Variants in SDK1 observed in about 807,000 individuals in gnomAD.
The protein encoded by SDK1 is sidekick cell adhesion molecule 1, also known as protein sidekick-1.
Under a neutral mutation model 245.5 loss-of-function variants are expected in SDK1, and 157 were observed. That is an observed-to-expected ratio of 0.64 (90% confidence interval 0.56 to 0.73). The LOEUF (loss-of-function observed/expected upper bound fraction) is 0.73, where lower values mean the gene tolerates loss of function less well. Among genes scored for constraint, SDK1 ranks in the 30% least tolerant of loss-of-function variants. The probability of loss-of-function intolerance (pLI) is 0.00; values close to 1 mark genes in which losing one functional copy is unlikely to be tolerated. For synonymous variants in SDK1, 1,647 were observed against 1,278.5 expected (o/e 1.29, Z -6.15); for missense variants, 3,583 against 3,002.3 (o/e 1.19, Z -4.52).
chr7:3,453,333 G>A (rs1780576170), intron 1 of SDK1, among the ~76,000 whole-genome samples: 1 of 152,198 alleles, frequency 6.6e-6, no homozygotes, highest in Non-Finnish European at 1.5e-5. Context: ...GCCCTGGTGG[G>A]CCAAATAATG....
intron 5 of SDK1, among the ~76,000 whole-genome samples, chr7:3,863,812 C>A (rs1780754499): frequency 6.6e-6 from 1 of 152,158 alleles, no homozygotes. Flanking sequence ...CGGATGGACC[C>A]CATTGGTTTA....
chr7:3,451,882 G>C (rs1264802142), intron 1 of SDK1, among the ~76,000 whole-genome samples: 1 of 152,104 alleles, frequency 6.6e-6, no homozygotes, highest in Non-Finnish European at 1.5e-5. Flanking sequence ...GGTGGTGTTG[G>C]GCAATTGCAA....
chr7:4,051,505 A>G, intron 18 of SDK1, 133 bp from the exon 19 acceptor site: 1 of 728,164 alleles, frequency 1.4e-6, no homozygotes, highest in South Asian at 2.1e-5. Flanking sequence ...GCGTGATTAT[A>G]AAATGCAGGA....
intron 4 of SDK1, among the ~76,000 whole-genome samples, chr7:3,712,265 G>A (rs184928579): frequency 3.7e-4 from 57 of 152,186 alleles, no homozygotes; most frequent in South Asian, 2.7e-3. Flanking sequence ...TCATAGGACC[G>A]TGAACCTTAT....
At position 4,178,709 on chromosome 7, in the gene SDK1, G is replaced by A. The variant is rs1319029003; in HGVS notation, c.5098+123G>A. ...GTTCTTTCTCCTTGAACACATTGCT[G>A]TCGGGGCTGAGGTCTCCACGCCACT... is the stretch of plus-strand genomic sequence containing the variant. On this transcript the variant is annotated intron_variant, in intron 35 of 44. Transcript: ENST00000404826. 21 of 688,224 alleles carry A rather than the reference G, an allele frequency of 3.1e-5. No homozygotes were observed. In the East Asian group the frequency reaches 5.2e-4, roughly 17 times the overall value. The allele number at this position is 688,224 out of a possible 1,614,324, so 42.6% of individuals were successfully genotyped here. A position where few individuals can be genotyped will look rare whatever the true frequency, so the allele number is the denominator to read the frequency against.
chr7:3,539,629 A>T lies in SDK1; in HGVS notation c.299-79451A>T, dbSNP rs60368813. On this transcript the variant is annotated intron_variant, in intron 1 of 44. Coordinates refer to ENST00000404826, the MANE Select transcript of SDK1 (RefSeq NM_152744.4). ...TCTGTCTTTCAAAACCTTGCATCTG[A>T]CATAATTCGTGATGTGTAATAGGTG... 8.5e-3 allele frequency among the ~76,000 whole-genome samples: 1,290 copies of T among 152,276 alleles called. 24 individuals are homozygous for T. The highest frequency in any genetic ancestry group is 0.029 in the African/African-American group (1,212 of 41,538).
intron 14 of SDK1, among the ~76,000 whole-genome samples, chr7:3,990,610 C>G (rs925115305): frequency 2.0e-5 from 3 of 152,168 alleles, no homozygotes; most frequent in African/African-American, 7.2e-5. Context: ...TGGTTCGCAT[C>G]CACCCTAAGG....
chr7:3,904,569 C>A (rs761190145), intron 5 of SDK1, among the ~76,000 whole-genome samples: 10 of 152,108 alleles, frequency 6.6e-5, no homozygotes, highest in African/African-American at 1.7e-4. Context: ...GTGGTGCACA[C>A]TTGTAGTCAC....
chr7:3,499,042 A>G (rs1433655621), intron 1 of SDK1, among the ~76,000 whole-genome samples: 1 of 152,224 alleles, frequency 6.6e-6, no homozygotes, highest in African/African-American at 2.4e-5. Flanking sequence ...TGTGTTTTAA[A>G]ATCTGATGTT....
Position 3,969,326 on chromosome 7 carries a change from A to G in SDK1, c.1616A>G (p.Gln539Arg), listed in dbSNP as rs1459873122. 1 of 1,611,234 alleles carries G rather than the reference A, an allele frequency of 6.2e-7. No individual in the cohort carries two copies. The highest frequency in any genetic ancestry group is 1.3e-5 in the African/African-American group (1 of 74,860). ...RFMLLESGGL[Q>R]IAPVFIQDAG... ...ATGCTTCTTGAATCGGGGGGTCTAC[A>G]GATCGCGCCCGTCTTCATCCAGGAT... The change falls in exon 11 of 45, where the codon CAG becomes CGG. Residue 539 changes from glutamine to arginine, a missense_variant. Gln to Arg is a conservative substitution (Grantham distance 43). Transcript: ENST00000404826.
rs188984808 is a variant in SDK1 at position 3,717,151 on chromosome 7, C to G, written c.713+75046C>G. 7.1e-3 allele frequency among the ~76,000 whole-genome samples: 1,083 copies of G among 152,176 alleles called. 15 individuals carry two copies. The highest frequency in any genetic ancestry group is 0.024 in the African/African-American group (1,005 of 41,498). On this transcript the variant is annotated intron_variant, in intron 4 of 44. Coordinates refer to ENST00000404826, the MANE Select transcript of SDK1 (RefSeq NM_152744.4). The stretch of plus-strand genomic sequence containing the variant: ...GTAGGCTGTGATAGGTTATAGATGC[C>G]TCTTATAACAATTAGAGGAACTAAT...
chr7:4,203,895 G>A (rs1194488279), intron 35 of SDK1, among the ~76,000 whole-genome samples: 3 of 152,254 alleles, frequency 2.0e-5, no homozygotes, highest in Non-Finnish European at 2.9e-5. Context: ...TGGTAGGCAC[G>A]GCAGTGCGGC....
rs566258590 is a variant in SDK1 at position 3,722,870 on chromosome 7, C to T, written c.713+80765C>T. The stretch of plus-strand genomic sequence containing the variant: ...ACTCCCCTCCTGGCCATTCCCCCTC[C>T]TCTCTCAGGACATATGCTTTCCCCA... On this transcript the variant is annotated intron_variant, in intron 4 of 44. Coordinates refer to ENST00000404826, the MANE Select transcript of SDK1 (RefSeq NM_152744.4). Among the ~76,000 whole-genome samples the T allele has an allele frequency of 3.3e-5, 5 of 152,352 alleles. No individual in the cohort carries two copies. In the East Asian group the frequency reaches 7.7e-4, roughly 24 times the overall value.
At chr7:4,145,994 G>A (rs1584286497) in intron 29 of SDK1, 78 bp downstream of exon 29, 15 of 1,323,596 alleles carry the variant, frequency 1.1e-5, no homozygotes, top group Non-Finnish European at 1.6e-5. Flanking sequence ...GGGGTCTGCG[G>A]GGTACCTGGG....
At chr7:3,835,884 C>G (rs1780019399) in intron 5 of SDK1, among the ~76,000 whole-genome samples, 1 of 152,204 alleles carries the variant, frequency 6.6e-6, no homozygotes, top group African/African-American at 2.4e-5. Context: ...CTTACATTTT[C>G]AAACCTTTGC....
chr7:3,942,350 G>A (rs763053163), intron 5 of SDK1, among the ~76,000 whole-genome samples: 15 of 152,154 alleles, frequency 9.9e-5, no homozygotes, highest in Admixed American at 2.6e-4. Context: ...CTGCAGAGAC[G>A]GGGCAGTGTC....
intron 32 of SDK1, among the ~76,000 whole-genome samples, chr7:4,173,730 C>T (rs1433714217): frequency 2.6e-5 from 4 of 152,136 alleles, no homozygotes; most frequent in Non-Finnish European, 5.9e-5. Flanking sequence ...GGACTGAGTC[C>T]GGCACAGTGG....
At position 3,967,323 on chromosome 7, in the gene SDK1, G is replaced by A. The variant is rs146021666; in HGVS notation, c.1435G>A (p.Ala479Thr). Residue 479 changes from alanine (A) to threonine (T), a missense_variant, in exon 10 of 45, where the codon GCT becomes ACT. Physicochemically the swap from Ala to Thr is moderately conservative, Grantham distance 58. Transcript: ENST00000404826. ...THTYLDVTNI[A>T]PVFTQRPVDT... Reference sequence around the variant, plus strand: ...TCATTTACTCCTCTTCTCAGATATCGCTCCAGTGTTCACCCAGCGGCCAGT... The same window carrying A: ...TCATTTACTCCTCTTCTCAGATATCACTCCAGTGTTCACCCAGCGGCCAGT... 42 of 1,612,324 alleles carry A rather than the reference G, an allele frequency of 2.6e-5. No homozygotes were observed. The highest frequency in any genetic ancestry group is 1.7e-4 in the Middle Eastern group (1 of 6,058).
At chr7:3,480,973 A>T (rs909592388) in intron 1 of SDK1, among the ~76,000 whole-genome samples, 1 of 152,186 alleles carries the variant, frequency 6.6e-6, no homozygotes, top group Non-Finnish European at 1.5e-5. Flanking sequence ...GTCTCTGGTA[A>T]GCATTATGTA....
Sources: gnomAD v4.1 joint callset for allele counts (sites outside exome capture counted in the v4.1 genomes callset) on GRCh38, gnomAD v4.1.1 for gene constraint, MANE v1.5 for transcripts, NCBI Gene and HGNC (gene_info 2026-07-23, HGNC 2026-07-21) for gene names.